Variants in GCFC2 observed in about 807,000 individuals in gnomAD.
GCFC2 encodes intron Large complex component GCFC2.
In GCFC2, 102 loss-of-function variants were observed where a neutral mutation model predicts 99.4. The ratio of observed to expected loss-of-function variants is 1.03; its 90% CI spans 0.87 to 1.21. GCFC2 has a LOEUF of 1.21. GCFC2 is among the 50% of genes most tolerant of loss of function. The probability of loss-of-function intolerance (pLI) is 0.00; values close to 1 mark genes in which losing one functional copy is unlikely to be tolerated. For synonymous variants in GCFC2, 338 were observed against 316.8 expected (o/e 1.07, Z -0.71); for missense variants, 973 against 920.9 (o/e 1.06, Z -0.73).
chr2:75,668,830 T>C (rs1678963112), intron 15 of GCFC2, among the ~76,000 whole-genome samples: 1 of 152,228 alleles, frequency 6.6e-6, no homozygotes, highest in South Asian at 2.1e-4. Context: ...TTTAAAAGTT[T>C]TGTATCCATC....
chr2:75,671,666 G>A (rs1368427199), intron 14 of GCFC2, among the ~76,000 whole-genome samples: 1 of 152,082 alleles, frequency 6.6e-6, no homozygotes, highest in African/African-American at 2.4e-5. Context: ...TTTCAAGGAC[G>A]TTTTAAAACT....
chr2:75,671,379 T>G (rs1413600850), intron 14 of GCFC2, among the ~76,000 whole-genome samples: 1 of 152,220 alleles, frequency 6.6e-6, no homozygotes, highest in African/African-American at 2.4e-5. Flanking sequence ...TTCAGACTTA[T>G]GTATCCAACC....
chr2:75,672,860 C>G (rs1167642625), intron 13 of GCFC2, among the ~76,000 whole-genome samples: 1 of 152,156 alleles, frequency 6.6e-6, no homozygotes. Context: ...ATATCACCTG[C>G]TATGTTCCTA....
At chr2:75,705,350 G>A (rs562884900) in intron 2 of GCFC2, among the ~76,000 whole-genome samples, 16 of 152,164 alleles carry the variant, frequency 1.1e-4, no homozygotes, top group African/African-American at 2.4e-4. Flanking sequence ...ATGGCCGGGC[G>A]TGGTGGCTCA....
chr2:75,701,302 G>C lies in GCFC2; in HGVS notation c.620-15C>G. On this transcript the variant is annotated splice_polypyrimidine_tract_variant and intron_variant, in intron 3 of 16. Transcript: ENST00000321027. ...ATTTCTGCTTACTAGCGGAAAAAAA[G>C]CTCACATGTAAACGTTTAGTATTTT... 6.8e-7 allele frequency: 1 copy of C among 1,463,978 alleles called. No individual in the cohort carries two copies. Among genetic ancestry groups the C allele is most frequent in the Non-Finnish European group, 9.6e-7 (1 of 1,044,558 alleles). 90.7% of individuals were successfully genotyped at this position (1,463,978 alleles called of 1,614,324 possible). A position where few individuals can be genotyped will look rare whatever the true frequency, so the allele number is the denominator to read the frequency against.
At chr2:75,669,198 T>A (rs538646778) in intron 15 of GCFC2, among the ~76,000 whole-genome samples, 1 of 152,354 alleles carries the variant, frequency 6.6e-6, no homozygotes, top group East Asian at 1.9e-4. Flanking sequence ...TACTAAATTG[T>A]AAAGAGCTTT....
chr2:75,675,491 C>G (rs1053738221), intron 12 of GCFC2, among the ~76,000 whole-genome samples: 1 of 152,094 alleles, frequency 6.6e-6, no homozygotes, highest in South Asian at 2.1e-4. Context: ...GCCTGTAATC[C>G]TAGCACTTTG....
rs563434521 is a variant in GCFC2, at chr2:75,672,078, G to A, written c.1890-62C>T. ...AAGAACTATTAGTCTTTCAGAACCA[G>A]AGTTTAAGATCAGACTTTCTTTTAA... On this transcript the variant is annotated intron_variant, in intron 13 of 16. Transcript: ENST00000321027. 21 of 838,428 alleles carry A rather than the reference G, an allele frequency of 2.5e-5. No individual in the cohort carries two copies. In the South Asian group the frequency reaches 3.0e-4, roughly 12 times the overall value. 51.9% of individuals were successfully genotyped at this position (838,428 alleles called of 1,614,324 possible). A position where few individuals can be genotyped will look rare whatever the true frequency, so the allele number is the denominator to read the frequency against.
At chr2:75,668,359 C>T (rs1262524966) in intron 15 of GCFC2, among the ~76,000 whole-genome samples, 2 of 151,968 alleles carry the variant, frequency 1.3e-5, no homozygotes, top group Non-Finnish European at 2.9e-5. Context: ...CAAAACAAAA[C>T]AAAACAAAAC....
At chr2:75,703,719 C>G (rs924324833) in intron 2 of GCFC2, among the ~76,000 whole-genome samples, 2 of 152,198 alleles carry the variant, frequency 1.3e-5, no homozygotes, top group Non-Finnish European at 2.9e-5. Flanking sequence ...TCAGAGTCAC[C>G]TGAGAAGCTT....
chr2:75,702,075 G>A lies in GCFC2; in HGVS notation c.619+124C>T, dbSNP rs769839663. ...AGGTCACAATATCATGGACCAAATC[G>A]ATGTTAAAAACCATTATCAACACTA... On this transcript the variant is annotated intron_variant, in intron 3 of 16. Transcript: ENST00000321027. The A allele has an allele frequency of 5.4e-4, 784 of 1,459,298 alleles. 2 individuals carry two copies. The highest frequency in any genetic ancestry group is 6.2e-4 in the Non-Finnish European group (686 of 1,112,048). 90.4% of individuals were successfully genotyped at this position (1,459,298 alleles called of 1,614,324 possible).
At chr2:75,672,483 T>A (rs1679152293) in intron 13 of GCFC2, among the ~76,000 whole-genome samples, 1 of 151,980 alleles carries the variant, frequency 6.6e-6, no homozygotes, top group Non-Finnish European at 1.5e-5. Flanking sequence ...AGACATCTCA[T>A]GATTCAAAAT....
In GCFC2 at chr2:75,670,151, T is replaced by G; in HGVS notation, c.2090A>C (p.Lys697Thr). Residue 697 changes from lysine (K) to threonine (T), a missense_variant, in exon 15 of 17, where the codon AAA becomes ACA. By Grantham distance (78) the Lys-to-Thr change is moderately conservative (BLOSUM62 -1). Coordinates refer to ENST00000321027, the MANE Select transcript of GCFC2 (RefSeq NM_003203.5). ...LNATPGPDVV[K>T]KCNQVAACLP... ...TTCACAACTTACCTGGTTGCACTTT[T>G]TAACCACATCTGGCCCAGGTGTGGC... 6.2e-7 allele frequency: 1 copy of G among 1,605,254 alleles called. No homozygotes were observed. The highest frequency in any genetic ancestry group is 1.1e-5 in the South Asian group (1 of 90,320).
chr2:75,696,329 A>G lies in GCFC2; in HGVS notation c.718-14T>C, dbSNP rs1680324422. Reference sequence around the variant, plus strand: ...TATGTCTCTTTCCTAAAAAAGTAAAAATAGATTTTTACAAAACCATTTATT... The same window carrying G: ...TATGTCTCTTTCCTAAAAAAGTAAAGATAGATTTTTACAAAACCATTTATT... On this transcript the variant is annotated splice_polypyrimidine_tract_variant and intron_variant, in intron 4 of 16. Coordinates refer to ENST00000321027, the MANE Select transcript of GCFC2 (RefSeq NM_003203.5). 1.9e-6 allele frequency: 2 copies of G among 1,072,556 alleles called. No homozygotes were observed. Among genetic ancestry groups the G allele is most frequent in the African/African-American group, 3.2e-5 (2 of 62,656 alleles). The allele number at this position is 1,072,556 out of a possible 1,614,324, so 66.4% of individuals were successfully genotyped here.
chr2:75,680,071 T>C (rs1030664347), intron 12 of GCFC2, 122 bp downstream of exon 12: 5 of 678,754 alleles, frequency 7.4e-6, no homozygotes, highest in Non-Finnish European at 1.2e-5. Flanking sequence ...CAAAAGTAAA[T>C]ATGTTTTCCC....
intron 16 of GCFC2, among the ~76,000 whole-genome samples, chr2:75,665,062 G>A (rs899714353): frequency 4.6e-5 from 7 of 152,072 alleles, no homozygotes; most frequent in Non-Finnish European, 2.9e-5. Context: ...GTAGTGCTGC[G>A]TTGCTATTAG....
At chr2:75,672,171 ATATT>A (rs1288986411) in intron 13 of GCFC2, among the ~76,000 whole-genome samples, 155 bp from the exon 14 acceptor site, 8 of 146,562 alleles carry the variant, frequency 5.5e-5, no homozygotes, top group South Asian at 4.2e-4. Context: ...AATAAAATAT[ATATT>A]TATTTATAAA....
intron 15 of GCFC2, among the ~76,000 whole-genome samples, chr2:75,667,943 A>AT (rs1678922686): frequency 6.6e-6 from 1 of 151,788 alleles, no homozygotes; most frequent in African/African-American, 2.4e-5. Flanking sequence ...TTGGCTACTA[A>AT]TTGATATATA....
rs760110851 is a variant in GCFC2, at chr2:75,690,642, G to C, written c.1222C>G (p.Arg408Gly). The change falls in exon 8 of 17, where the codon CGA (arginine) becomes GGA (glycine). Residue 408 changes from arginine to glycine, a missense_variant. Arg to Gly is a moderately radical substitution (Grantham distance 125). Coordinates refer to ENST00000321027, the MANE Select transcript of GCFC2 (RefSeq NM_003203.5). ...ATCTTCACTTTATATAGGTACCTTC[G>C]AGATTCAATCTCTTCTAAAATCCAC... ...TQWILEEIESRRTKRRQARVL... is the reference protein window; with the variant it reads ...TQWILEEIESGRTKRRQARVL... 4.9e-6 allele frequency: 7 copies of C among 1,432,342 alleles called. No homozygotes were observed. Among genetic ancestry groups the C allele is most frequent in the East Asian group, 2.3e-5 (1 of 43,580 alleles). 88.7% of individuals were successfully genotyped at this position (1,432,342 alleles called of 1,614,324 possible).
Sources: gnomAD v4.1 joint callset for allele counts (sites outside exome capture counted in the v4.1 genomes callset) on GRCh38, gnomAD v4.1.1 for gene constraint, MANE v1.5 for transcripts, NCBI Gene and HGNC (gene_info 2026-07-23, HGNC 2026-07-21) for gene names.